CAMKMT: variants seen among roughly 807,000 people sequenced by gnomAD.
CAMKMT encodes CaM KMT.
CAMKMT carries 53 observed loss-of-function variants against 48.0 expected under a neutral mutation model. The ratio of observed to expected loss-of-function variants is 1.10; its 90% CI spans 0.89 to 1.39. The LOEUF (loss-of-function observed/expected upper bound fraction) is 1.39, where lower values mean the gene tolerates loss of function less well. CAMKMT is among the 40% of genes most tolerant of loss of function. The pLI, the probability that CAMKMT is intolerant of heterozygous loss-of-function variation, is 0.00. For synonymous variants in CAMKMT, 165 were observed against 152.3 expected (o/e 1.08, Z -0.61); for missense variants, 428 against 402.7 (o/e 1.06, Z -0.54).
At chr2:44,752,431 G>C (rs1680192450) in intron 8 of CAMKMT, among the ~76,000 whole-genome samples, 1 of 152,096 alleles carries the variant, frequency 6.6e-6, no homozygotes, top group Admixed American at 6.5e-5. Flanking sequence ...CAATGCCCAG[G>C]AGCCCTTCTG....
At chr2:44,710,465 C>T (rs567605115) in intron 6 of CAMKMT, among the ~76,000 whole-genome samples, 3 of 152,228 alleles carry the variant, frequency 2.0e-5, no homozygotes, top group South Asian at 2.1e-4. Flanking sequence ...GCTGGGTCTA[C>T]GAACTCAAAG....
At chr2:44,559,946 T>G (rs1668235981) in intron 3 of CAMKMT, among the ~76,000 whole-genome samples, 1 of 152,254 alleles carries the variant, frequency 6.6e-6, no homozygotes, top group African/African-American at 2.4e-5. Flanking sequence ...TAAACTCATT[T>G]TTATATTGAC....
chr2:44,451,706 C>G (rs1667295413), intron 3 of CAMKMT, among the ~76,000 whole-genome samples: 1 of 151,792 alleles, frequency 6.6e-6, no homozygotes, highest in African/African-American at 2.4e-5. Context: ...TTTAACAAAA[C>G]TTTCTATTTT....
chr2:44,712,991 A>T (rs938741605), intron 6 of CAMKMT, among the ~76,000 whole-genome samples: 1 of 152,074 alleles, frequency 6.6e-6, no homozygotes, highest in African/African-American at 2.4e-5. Flanking sequence ...TTTAATATTT[A>T]AAAAAACCTC....
At chr2:44,582,577 A>G (rs1669624570) in intron 3 of CAMKMT, among the ~76,000 whole-genome samples, 1 of 152,218 alleles carries the variant, frequency 6.6e-6, no homozygotes, top group Non-Finnish European at 1.5e-5. Context: ...CAGCAATACC[A>G]CATTCCTCTT....
At chr2:44,603,463 T>C (rs555733346) in intron 3 of CAMKMT, among the ~76,000 whole-genome samples, 16 of 152,366 alleles carry the variant, frequency 1.1e-4, no homozygotes, top group African/African-American at 3.6e-4. Flanking sequence ...GGATCAGCTA[T>C]ATATTGCCAC....
intron 3 of CAMKMT, among the ~76,000 whole-genome samples, chr2:44,661,953 G>A (rs1037023814): frequency 6.6e-6 from 1 of 152,170 alleles, no homozygotes; most frequent in Non-Finnish European, 1.5e-5. Flanking sequence ...ACTTTTCATG[G>A]AAGATTAGAT....
At chr2:44,601,192 C>T (rs1052340046) in intron 3 of CAMKMT, among the ~76,000 whole-genome samples, 8 of 152,088 alleles carry the variant, frequency 5.3e-5, no homozygotes, top group African/African-American at 1.7e-4. Flanking sequence ...TATGGTGGCT[C>T]ACGCCTGTAA....
intron 2 of CAMKMT, among the ~76,000 whole-genome samples, chr2:44,380,828 C>T (rs1007951293): frequency 1.3e-5 from 2 of 152,092 alleles, no homozygotes; most frequent in Non-Finnish European, 2.9e-5. Context: ...TGCCTACCCC[C>T]TTAAAAAGGT....
chr2:44,631,767 T>C (rs1363902936), intron 3 of CAMKMT: 2 of 365,260 alleles, frequency 5.5e-6, no homozygotes, highest in African/African-American at 4.2e-5. Context: ...GTCTTTTTTG[T>C]TCATTATTCT....
chr2:44,521,200 C>T (rs1014789668), intron 3 of CAMKMT, among the ~76,000 whole-genome samples: 5 of 152,278 alleles, frequency 3.3e-5, no homozygotes, highest in African/African-American at 1.2e-4. Flanking sequence ...ATGCTCTGCT[C>T]ATGGTAATAC....
intron 2 of CAMKMT, among the ~76,000 whole-genome samples, chr2:44,378,361 C>A (rs1220047353): frequency 6.6e-6 from 1 of 152,204 alleles, no homozygotes; most frequent in African/African-American, 2.4e-5. Flanking sequence ...TAGAAACCAT[C>A]TACTAATTTC....
At chr2:44,751,527 T>A (rs1409092659) in intron 8 of CAMKMT, among the ~76,000 whole-genome samples, 1 of 152,198 alleles carries the variant, frequency 6.6e-6, no homozygotes, top group Non-Finnish European at 1.5e-5. Context: ...GAAAACCTCT[T>A]AGAAGGTACC....
At chr2:44,510,538 T>C (rs192507935) in intron 3 of CAMKMT, among the ~76,000 whole-genome samples, 1 of 152,266 alleles carries the variant, frequency 6.6e-6, no homozygotes, top group Admixed American at 6.5e-5. Context: ...CCTTTGTAAT[T>C]AATATTAATA....
At chr2:44,491,060 A>G (rs1669474870) in intron 3 of CAMKMT, among the ~76,000 whole-genome samples, 1 of 149,552 alleles carries the variant, frequency 6.7e-6, no homozygotes, top group Non-Finnish European at 1.5e-5. Context: ...CGGAGGTGGG[A>G]GGATGGCTCA....
chr2:44,465,981 A>T (rs1668090969), intron 3 of CAMKMT, among the ~76,000 whole-genome samples: 1 of 152,226 alleles, frequency 6.6e-6, no homozygotes, highest in South Asian at 2.1e-4. Flanking sequence ...CCAGGAACTC[A>T]AAACAAGTCT....
At chr2:44,478,931 C>G (rs550781837) in intron 3 of CAMKMT, among the ~76,000 whole-genome samples, 21 of 152,256 alleles carry the variant, frequency 1.4e-4, no homozygotes, top group African/African-American at 4.8e-4. Context: ...GATCTCCTGA[C>G]CTCGTGATCC....
chr2:44,710,827 G>C lies in CAMKMT; in HGVS notation c.556+3365G>C, dbSNP rs148057304. ...TCCTGAAGGTGAGCAACCCTCTCTG[G>C]CTACAATCACTAATGTGCCCAGCAC... On this transcript the variant is annotated intron_variant, in intron 6 of 10. Transcript: ENST00000378494. Among the ~76,000 whole-genome samples the C allele has an allele frequency of 5.1e-3, 781 of 152,190 alleles. 1 individual carries two copies. Among genetic ancestry groups the C allele is most frequent in the South Asian group, 0.013 (62 of 4,814 alleles).
chr2:44,405,796 A>T (rs1682736330), intron 3 of CAMKMT, among the ~76,000 whole-genome samples: 1 of 152,202 alleles, frequency 6.6e-6, no homozygotes, highest in Non-Finnish European at 1.5e-5. Context: ...GGAAAGAAAC[A>T]TAAATGGATT....
Sources: allele counts gnomAD v4.1 joint callset (sites outside exome capture counted in the v4.1 genomes callset), GRCh38; gene constraint gnomAD v4.1.1; transcripts MANE v1.5; gene names NCBI Gene and HGNC (gene_info 2026-07-23, HGNC 2026-07-21).